The following DNAAF5 variants were observed in gnomAD, a reference collection of about 807,000 sequenced individuals.
DNAAF5 encodes the protein HEAT repeat containing 2.
DNAAF5 carries 64 observed loss-of-function variants against 75.8 expected under a neutral mutation model. The observed-to-expected ratio is 0.84, with a 90% CI of 0.69 to 1.04. DNAAF5 has a LOEUF of 1.04. Among genes scored for constraint, DNAAF5 ranks in the 50% least tolerant of loss-of-function variants. The pLI is 0.00. For synonymous variants in DNAAF5, 657 were observed against 557.2 expected (o/e 1.18, Z -2.52); for missense variants, 1,269 against 1,178.5 (o/e 1.08, Z -1.12).
intron 12 of DNAAF5, among the ~76,000 whole-genome samples, chr7:784,239 G>A (rs1386744128): frequency 1.3e-5 from 2 of 152,190 alleles, no homozygotes; most frequent in Non-Finnish European, 2.9e-5. Flanking sequence ...CCTCGCCCAT[G>A]TGGGCCCCTC....
chr7:756,843 T>A lies in DNAAF5; in HGVS notation c.1319T>A (p.Ile440Asn). 6.2e-7 allele frequency: 1 copy of A among 1,613,996 alleles called. No homozygotes were observed. The highest frequency in any genetic ancestry group is 8.5e-7 in the Non-Finnish European group (1 of 1,180,012). ...AGCCCTGAGGTGTTTCTGAAGCTGA[T>A]CTTATCGACGCTGAAGAAGACGCCC... ...FVSPEVFLKLILSTLKKTPSA... is the reference protein window; with the variant it reads ...FVSPEVFLKLNLSTLKKTPSA... The change falls in exon 6 of 13, where the codon ATC becomes AAC. Residue 440 changes from isoleucine to asparagine, a missense_variant. Coordinates refer to ENST00000297440, the MANE Select transcript of DNAAF5 (RefSeq NM_017802.4).
Position 775,041 on chromosome 7 carries a change from C to A in DNAAF5, c.2118C>A (p.Val706=). 6.2e-7 allele frequency: 1 copy of A among 1,613,970 alleles called. No individual in the cohort carries two copies. Among genetic ancestry groups the A allele is most frequent in the Non-Finnish European group, 8.5e-7 (1 of 1,179,888 alleles). ...TGCAGGAAACACTGATGCCCCAGGT[C>A]CTGACCACCCTGGAGGAGGATTCGA... ...RDVQETLMPQ[V]LTTLEEDSKM... is the part of the protein sequence containing the mutation. Residue 706 remains valine, a synonymous_variant, in exon 11 of 13, where the codon GTC becomes GTA. Coordinates refer to ENST00000297440, the MANE Select transcript of DNAAF5 (RefSeq NM_017802.4).
At chr7:778,883 G>A (rs1319407807) in intron 11 of DNAAF5, among the ~76,000 whole-genome samples, 1 of 152,232 alleles carries the variant, frequency 6.6e-6, no homozygotes, top group East Asian at 1.9e-4. Context: ...GAGCATACCC[G>A]CTGTGCAGTG....
chr7:754,934 A>G lies in DNAAF5; in HGVS notation c.1257+113A>G. The G allele has an allele frequency of 1.2e-6, 1 of 807,154 alleles. No homozygotes were observed. The highest frequency in any genetic ancestry group is 1.9e-6 in the Non-Finnish European group (1 of 523,332). The allele number at this position is 807,154 out of a possible 1,614,324, so 50.0% of individuals were successfully genotyped here. A position where few individuals can be genotyped will look rare whatever the true frequency, so the allele number is the denominator to read the frequency against. ...CTGTAGCCAAGACAGCGTTCCCCTC[A>G]CCCCCGGGCCGCAGGCCCTCCCCAC... is the stretch of plus-strand genomic sequence containing the variant. On this transcript the variant is annotated intron_variant, in intron 5 of 12. Transcript: ENST00000297440. This position sits in a 1 kb window ranked among gnomAD's most constrained non-coding sequence, Gnocchi z 4.8.
At chr7:778,051 C>T (rs1219424941) in intron 11 of DNAAF5, 5 of 152,212 alleles carry the variant, frequency 3.3e-5, no homozygotes, top group Non-Finnish European at 7.3e-5. Context: ...CGGCGCTGGG[C>T]AGAAAAACCG....
chr7:780,826 CTTT>C (rs201445917), intron 12 of DNAAF5, among the ~76,000 whole-genome samples: 2 of 131,260 alleles, frequency 1.5e-5, no homozygotes, highest in East Asian at 2.3e-4. Flanking sequence ...TTTTTTTTTT[CTTT>C]TTTTTTTTTT....
chr7:745,424 G>A (rs886749358), intron 4 of DNAAF5, among the ~76,000 whole-genome samples: 19 of 129,370 alleles, frequency 1.5e-4, no homozygotes, highest in South Asian at 1.1e-3. Context: ...AGGCGCACAC[G>A]CATACACACA....
chr7:782,526 T>C (rs1437069936), intron 12 of DNAAF5, among the ~76,000 whole-genome samples: 7 of 143,122 alleles, frequency 4.9e-5, no homozygotes, highest in African/African-American at 1.9e-4. Flanking sequence ...CGTCAGAAAC[T>C]CGCATCTTCC....
intron 8 of DNAAF5, chr7:768,973 C>G: frequency 1.7e-6 from 1 of 583,434 alleles, no homozygotes; most frequent in Non-Finnish European, 3.1e-6. Context: ...TCAAGTCAGG[C>G]GTCCCAGCAG....
intron 2 of DNAAF5, among the ~76,000 whole-genome samples, chr7:739,104 C>G (rs868795770): frequency 9.2e-5 from 5 of 54,640 alleles, no homozygotes; most frequent in Admixed American, 2.2e-4. Context: ...GCCCTCTGCC[C>G]CATCACTGTA....
In DNAAF5 at chr7:745,227, C is replaced by T. The variant is rs75382346; in HGVS notation, c.1024+3762C>T. On this transcript the variant is annotated intron_variant, in intron 4 of 12. Transcript: ENST00000297440. The stretch of plus-strand genomic sequence containing the variant: ...AAGCTGCATGGCAAATCGTTCTCCA[C>T]GTGCTCACTGAGAAACCAGTGGAAG... Among the ~76,000 whole-genome samples the T allele has an allele frequency of 3.9e-3, 601 of 152,314 alleles. 7 individuals carry two copies. The highest frequency in any genetic ancestry group is 0.014 in the African/African-American group (571 of 41,570).
intron 10 of DNAAF5, among the ~76,000 whole-genome samples, chr7:774,737 C>T (rs1034549291): frequency 6.6e-6 from 1 of 152,194 alleles, no homozygotes; most frequent in Non-Finnish European, 1.5e-5. Flanking sequence ...GAAAGCCCCA[C>T]GTCCTTGGGG....
Position 756,941 on chromosome 7 carries a change from G to A in DNAAF5, c.1417G>A (p.Ala473Thr). The A allele has an allele frequency of 6.2e-7, 1 of 1,608,392 alleles. No individual in the cohort carries two copies. Among genetic ancestry groups the A allele is most frequent in the Non-Finnish European group, 8.5e-7 (1 of 1,179,918 alleles). ...CCGAGAAGCCCTCCAGCCGCACCTGGCAGCCATCGCCACAGAGCTGGCACA... is the reference window on the plus strand; with the variant it reads ...CCGAGAAGCCCTCCAGCCGCACCTGACAGCCATCGCCACAGAGCTGGCACA... ...CPREALQPHL[A>T]AIATELAQAH... is the part of the protein sequence containing the mutation. The change falls in exon 6 of 13, where the codon GCA becomes ACA. Residue 473 changes from alanine to threonine, a missense_variant. Ala to Thr is a moderately conservative substitution (Grantham distance 58). Coordinates refer to ENST00000297440, the MANE Select transcript of DNAAF5 (RefSeq NM_017802.4).
intron 12 of DNAAF5, among the ~76,000 whole-genome samples, chr7:783,020 C>A (rs991232255): frequency 2.0e-5 from 3 of 152,250 alleles, no homozygotes; most frequent in Non-Finnish European, 4.4e-5. Flanking sequence ...TCAGAAGAGT[C>A]CGGCTTGTGG....
intron 8 of DNAAF5, among the ~76,000 whole-genome samples, chr7:767,902 TG>T (rs1405329447): frequency 6.2e-5 from 9 of 144,004 alleles, no homozygotes; most frequent in Non-Finnish European, 1.2e-4. Context: ...GTGTCCCTGC[TG>T]CAAGCAGGAG....
intron 10 of DNAAF5, among the ~76,000 whole-genome samples, chr7:774,531 C>G (rs1032584482): frequency 1.3e-5 from 2 of 149,428 alleles, no homozygotes; most frequent in South Asian, 2.1e-4. Flanking sequence ...TCCCAGGATC[C>G]AGGCCAGAGG....
At position 729,709 on chromosome 7, in the gene DNAAF5, G is replaced by C; in HGVS notation, c.642G>C (p.Gln214His). 1 of 1,614,134 alleles carries C rather than the reference G, an allele frequency of 6.2e-7. No homozygotes were observed. Among genetic ancestry groups the C allele is most frequent in the South Asian group, 1.1e-5 (1 of 91,080 alleles). ...AGTCTCTGATCGGGCCCCTGATGCA[G>C]ACCATCTCCCACCAGCACTGGAAGG... is the stretch of plus-strand genomic sequence containing the variant. ...QSESLIGPLM[Q>H]TISHQHWKVR... The change falls in exon 2 of 13, where the codon CAG becomes CAC. Residue 214 changes from glutamine (Q) to histidine (H), a missense_variant. By Grantham distance (24) the Gln-to-His change is conservative (BLOSUM62 0). Coordinates refer to ENST00000297440, the MANE Select transcript of DNAAF5 (RefSeq NM_017802.4).
chr7:784,702 C>T (rs1779094444), intron 12 of DNAAF5, among the ~76,000 whole-genome samples: 2 of 152,180 alleles, frequency 1.3e-5, no homozygotes, highest in Admixed American at 6.5e-5. Flanking sequence ...GATGCCTGGC[C>T]CGTGGGAGGT....
At chr7:778,862 C>T (rs1034495455) in intron 11 of DNAAF5, among the ~76,000 whole-genome samples, 1 of 152,208 alleles carries the variant, frequency 6.6e-6, no homozygotes, top group Non-Finnish European at 1.5e-5. Flanking sequence ...CGAGGGCTCC[C>T]GCTGTGCAGT....
Sources: allele counts gnomAD v4.1 joint callset (sites outside exome capture counted in the v4.1 genomes callset), GRCh38; gene constraint gnomAD v4.1.1; non-coding constraint Gnocchi (gnomAD v3.1); transcripts MANE v1.5; gene names NCBI Gene and HGNC (gene_info 2026-07-23, HGNC 2026-07-21).